The following NOPCHAP1 variants were observed in gnomAD, a reference collection of about 807,000 sequenced individuals.
NOPCHAP1 encodes NOP protein chaperone 1, also known as DNA damage-sensitive RNA 1.
A neutral mutation model predicts 14.0 loss-of-function variants in NOPCHAP1; 13 were observed. The ratio of observed to expected loss-of-function variants is 0.93; its 90% confidence interval spans 0.60 to 1.47. NOPCHAP1 has a LOEUF of 1.47. Among genes scored for constraint, NOPCHAP1 ranks in the 40% most tolerant of loss-of-function variants. NOPCHAP1 has a pLI of 0.00. For missense variants in NOPCHAP1, 230 were observed against 226.9 expected (o/e 1.01, Z -0.09); for synonymous variants, 78 against 78.4 (o/e 1.00, Z 0.03).
chr12:104,990,267 G>A (rs1208045038), intron 2 of NOPCHAP1, among the ~76,000 whole-genome samples: 1 of 152,164 alleles, frequency 6.6e-6, no homozygotes, highest in Non-Finnish European at 1.5e-5. Flanking sequence ...TGGCTTCTGA[G>A]GATCACAGTT....
rs1296355295 is a variant in NOPCHAP1, at chr12:105,004,087, C to G, written c.*9391C>G. On this transcript the variant is annotated 3_prime_UTR_variant, in exon 4 of 4. Coordinates refer to ENST00000552951, the MANE Select transcript of NOPCHAP1 (RefSeq NM_152318.3). ...ATGTAATATTGGATGTATTTTGTTT[C>G]TCAGAGAAACCAGAGCTAGTTTTTA... 6.6e-6 allele frequency: 1 copy of G among 152,148 alleles called. No homozygotes were observed. Among genetic ancestry groups the G allele is most frequent in the Non-Finnish European group, 1.5e-5 (1 of 68,018 alleles). 9.4% of individuals were successfully genotyped at this position (152,148 alleles called of 1,614,324 possible).
intron 3 of NOPCHAP1, among the ~76,000 whole-genome samples, chr12:104,992,579 TTCTCTA>T (rs1565938877): frequency 6.6e-6 from 1 of 152,180 alleles, no homozygotes; most frequent in Non-Finnish European, 1.5e-5. Flanking sequence ...CTGCCTGCAG[TTCTCTA>T]TCTCAGAGGT....
rs1873803546 is a variant in NOPCHAP1 at position 105,010,738 on chromosome 12, G to C, written c.*16042G>C. On this transcript the variant is annotated 3_prime_UTR_variant, in exon 4 of 4. Transcript: ENST00000552951. The stretch of plus-strand genomic sequence containing the variant: ...CTGCCTAAACTTCGTTATTTACCCA[G>C]TAGTCATTCAGGAGCAGGTTGTTCA... 1 of 152,180 alleles carries C rather than the reference G, an allele frequency of 6.6e-6. No homozygotes were observed. Among genetic ancestry groups the C allele is most frequent in the Admixed American group, 6.5e-5 (1 of 15,282 alleles). 9.4% of individuals were successfully genotyped at this position (152,180 alleles called of 1,614,324 possible). A position where few individuals can be genotyped will look rare whatever the true frequency, so the allele number is the denominator to read the frequency against.
Position 104,986,351 on chromosome 12 carries a change from G to A in NOPCHAP1, c.-2G>A, listed in dbSNP as rs1475813643. On this transcript the variant is annotated 5_prime_UTR_variant, in exon 1 of 4. Transcript: ENST00000552951. ...GCCTGAGAGTGCAGGCTTGAGGGAAGCATGGAGGTCCATGGCAAGCCCAAG... is the reference window on the plus strand; with the variant it reads ...GCCTGAGAGTGCAGGCTTGAGGGAAACATGGAGGTCCATGGCAAGCCCAAG... 3.1e-6 allele frequency: 5 copies of A among 1,606,072 alleles called. No individual in the cohort carries two copies. Among genetic ancestry groups the A allele is most frequent in the Middle Eastern group, 1.6e-4 (1 of 6,074 alleles).
In NOPCHAP1 at chr12:105,000,533, A is replaced by G. The variant is rs567215026; in HGVS notation, c.*5837A>G. On this transcript the variant is annotated 3_prime_UTR_variant, in exon 4 of 4. Transcript: ENST00000552951. The stretch of plus-strand genomic sequence containing the variant: ...AGATTAAGACAATAGGAAATAAGGG[A>G]AAAAGAAAAGGGACATAGTTATCAT... 2 of 152,326 alleles carry G rather than the reference A, an allele frequency of 1.3e-5. No homozygotes were observed. Among genetic ancestry groups the G allele is most frequent in the South Asian group, 4.2e-4 (2 of 4,808 alleles). 9.4% of individuals were successfully genotyped at this position (152,326 alleles called of 1,614,324 possible). A position where few individuals can be genotyped will look rare whatever the true frequency, so the allele number is the denominator to read the frequency against.
At position 105,015,344 on chromosome 12, in the gene NOPCHAP1, A is replaced by G. The variant is rs1307720114; in HGVS notation, c.*20648A>G. Reference sequence around the variant, plus strand: ...GCATAGTGTGTGGTGCACAGTAGGCATGGAATAATGATAATAAATGGATTA... The same window carrying G: ...GCATAGTGTGTGGTGCACAGTAGGCGTGGAATAATGATAATAAATGGATTA... On this transcript the variant is annotated 3_prime_UTR_variant, in exon 4 of 4. Coordinates refer to ENST00000552951, the MANE Select transcript of NOPCHAP1 (RefSeq NM_152318.3). 2.0e-5 allele frequency: 3 copies of G among 152,228 alleles called. No individual in the cohort carries two copies. Among genetic ancestry groups the G allele is most frequent in the Non-Finnish European group, 4.4e-5 (3 of 68,036 alleles). The allele number at this position is 152,228 out of a possible 1,614,324, so 9.4% of individuals were successfully genotyped here. A position where few individuals can be genotyped will look rare whatever the true frequency, so the allele number is the denominator to read the frequency against.
At chr12:104,987,911 G>C (rs1464661490) in intron 1 of NOPCHAP1, among the ~76,000 whole-genome samples, 1 of 152,204 alleles carries the variant, frequency 6.6e-6, no homozygotes, top group African/African-American at 2.4e-5. Flanking sequence ...ATCCAGAAAA[G>C]TGCAGATTGG....
intron 1 of NOPCHAP1, among the ~76,000 whole-genome samples, chr12:104,987,691 G>A (rs186056866): frequency 6.6e-6 from 1 of 152,306 alleles, no homozygotes; most frequent in Admixed American, 6.5e-5. Flanking sequence ...CCAAAAGGCT[G>A]CTTTCCTTGG....
In NOPCHAP1 at chr12:104,988,268, C is replaced by T. The variant is rs765287114; in HGVS notation, c.202+15C>T. The T allele has an allele frequency of 5.2e-6, 8 of 1,549,720 alleles. No individual in the cohort carries two copies. Among genetic ancestry groups the T allele is most frequent in the Non-Finnish European group, 7.1e-6 (8 of 1,125,072 alleles). On this transcript the variant is annotated intron_variant, in intron 2 of 3. Coordinates refer to ENST00000552951, the MANE Select transcript of NOPCHAP1 (RefSeq NM_152318.3). ...GAGGAGTCCCTGTAAGTACCTCTTC[C>T]CCTCTCTCACCCTCTCTAATGCTGA...
At chr12:104,992,556 G>A (rs960602035) in intron 3 of NOPCHAP1, among the ~76,000 whole-genome samples, 1 of 152,108 alleles carries the variant, frequency 6.6e-6, no homozygotes, top group African/African-American at 2.4e-5. Context: ...TCCTTCAAAG[G>A]GTCCATATGA....
Position 105,015,097 on chromosome 12 carries a change from C to T in NOPCHAP1, c.*20401C>T, listed in dbSNP as rs1195715662. On this transcript the variant is annotated 3_prime_UTR_variant, in exon 4 of 4. Coordinates refer to ENST00000552951, the MANE Select transcript of NOPCHAP1 (RefSeq NM_152318.3). ...ATTATCCAGGTCCTTTCTGATCTTTCTTATTGGAAATTGGAACCAGCTCTC... is the reference window on the plus strand; with the variant it reads ...ATTATCCAGGTCCTTTCTGATCTTTTTTATTGGAAATTGGAACCAGCTCTC... The T allele has an allele frequency of 6.6e-6, 1 of 152,178 alleles. No individual in the cohort carries two copies. The highest frequency in any genetic ancestry group is 1.5e-5 in the Non-Finnish European group (1 of 68,038). 9.4% of individuals were successfully genotyped at this position (152,178 alleles called of 1,614,324 possible).
chr12:104,986,338 A>G lies in NOPCHAP1; in HGVS notation c.-15A>G, dbSNP rs757249835. The G allele has an allele frequency of 3.1e-6, 5 of 1,596,734 alleles. No homozygotes were observed. The Admixed American group carries it at 5.2e-5, about 17-fold the overall frequency. On this transcript the variant is annotated 5_prime_UTR_variant, in exon 1 of 4. Coordinates refer to ENST00000552951, the MANE Select transcript of NOPCHAP1 (RefSeq NM_152318.3). ...TTCCTGCATCCGGGCCTGAGAGTGC[A>G]GGCTTGAGGGAAGCATGGAGGTCCA...
At position 104,988,187 on chromosome 12, in the gene NOPCHAP1, A is replaced by T. The variant is rs1285075238; in HGVS notation, c.136A>T (p.Ile46Phe). The change falls in exon 2 of 4, where the codon ATC becomes TTC. Residue 46 changes from isoleucine (I) to phenylalanine (F), a missense_variant. By Grantham distance (21) the Ile-to-Phe change is conservative. Transcript: ENST00000552951. ...TTCAGGTATATGGGACAGGTTGCTCATCAACTCCCAACCTAAGTCCAGAAA... is the reference window on the plus strand; with the variant it reads ...TTCAGGTATATGGGACAGGTTGCTCTTCAACTCCCAACCTAAGTCCAGAAA... ...GRGGIWDRLL[I>F]NSQPKSRKTS... 1.2e-6 allele frequency: 2 copies of T among 1,612,504 alleles called. No individual in the cohort carries two copies. The highest frequency in any genetic ancestry group is 2.7e-5 in the African/African-American group (2 of 74,880).
At position 105,013,155 on chromosome 12, in the gene NOPCHAP1, C is replaced by CTGCCTTT. The variant is rs1283704547; in HGVS notation, c.*18460_*18466dup. The stretch of plus-strand genomic sequence containing the variant: ...TCTATAATCCCCTTGACTGGGACTG[C>CTGCCTTT]TGCCTTTCTTTCAGAGATGCCCTGC... On this transcript the variant is annotated 3_prime_UTR_variant, in exon 4 of 4. Coordinates refer to ENST00000552951, the MANE Select transcript of NOPCHAP1 (RefSeq NM_152318.3). 1 of 152,336 alleles carries CTGCCTTT rather than the reference C, an allele frequency of 6.6e-6. No individual in the cohort carries two copies. The highest frequency in any genetic ancestry group is 1.5e-5 in the Non-Finnish European group (1 of 68,140). The allele number at this position is 152,336 out of a possible 1,614,324, so 9.4% of individuals were successfully genotyped here.
rs1019210353 is a variant in NOPCHAP1, at chr12:104,996,311, A to G, written c.*1615A>G. 2.6e-5 allele frequency: 4 copies of G among 150,968 alleles called. No individual in the cohort carries two copies. The highest frequency in any genetic ancestry group is 7.3e-5 in the African/African-American group (3 of 41,000). The allele number at this position is 150,968 out of a possible 1,614,324, so 9.4% of individuals were successfully genotyped here. On this transcript the variant is annotated 3_prime_UTR_variant, in exon 4 of 4. Coordinates refer to ENST00000552951, the MANE Select transcript of NOPCHAP1 (RefSeq NM_152318.3). ...CTGAACAAGGTCCAGGAGGAAACTT[A>G]CTTTTTTATAGTTCCCCTCCTTTTA...
intron 3 of NOPCHAP1, 92 bp downstream of exon 3, chr12:104,991,940 T>C (rs952143135): frequency 1.4e-6 from 2 of 1,427,946 alleles, no homozygotes; most frequent in Admixed American, 5.3e-5. Flanking sequence ...CAAGTTTTCA[T>C]TTTCCTGGTG....
chr12:104,988,104 T>G (rs1873282355), intron 1 of NOPCHAP1, 63 bp from the exon 2 acceptor site: 1 of 1,314,404 alleles, frequency 7.6e-7, no homozygotes, highest in Non-Finnish European at 1.1e-6. Flanking sequence ...AGAGGCTTAC[T>G]GATGGGCCTT....
At chr12:104,990,185 A>G (rs1293685285) in intron 2 of NOPCHAP1, among the ~76,000 whole-genome samples, 1 of 152,156 alleles carries the variant, frequency 6.6e-6, no homozygotes, top group Non-Finnish European at 1.5e-5. Flanking sequence ...AGTATTATTT[A>G]ATTTAGAAGA....
rs777201236 is a variant in NOPCHAP1 at position 105,001,531 on chromosome 12, G to C, written c.*6835G>C. 6.6e-6 allele frequency: 1 copy of C among 152,196 alleles called. No individual in the cohort carries two copies. Among genetic ancestry groups the C allele is most frequent in the African/African-American group, 2.4e-5 (1 of 41,442 alleles). The allele number at this position is 152,196 out of a possible 1,614,324, so 9.4% of individuals were successfully genotyped here. The stretch of plus-strand genomic sequence containing the variant: ...AGAGCATAACAGTTCTGGTTCAGGA[G>C]AGTCAGGAAACTCTAAGATTATTTG... On this transcript the variant is annotated 3_prime_UTR_variant, in exon 4 of 4. Coordinates refer to ENST00000552951, the MANE Select transcript of NOPCHAP1 (RefSeq NM_152318.3).
Sources: allele counts gnomAD v4.1 joint callset (sites outside exome capture counted in the v4.1 genomes callset), GRCh38; gene constraint gnomAD v4.1.1; transcripts MANE v1.5; gene names NCBI Gene and HGNC (gene_info 2026-07-23, HGNC 2026-07-21).